The following TBC1D22A variants were observed in gnomAD, a reference collection of about 807,000 sequenced individuals.
TBC1D22A encodes putative GTPase activator.
In TBC1D22A, 38 loss-of-function variants were observed where a neutral mutation model predicts 60.2. The ratio of observed to expected loss-of-function variants is 0.63; its 90% confidence interval spans 0.49 to 0.83. TBC1D22A has a LOEUF of 0.83. Among genes scored for constraint, TBC1D22A ranks in the 40% least tolerant of loss-of-function variants. TBC1D22A has a pLI of 0.00. For synonymous variants in TBC1D22A, 302 were observed against 281.7 expected (o/e 1.07, Z -0.72); for missense variants, 628 against 701.0 (o/e 0.90, Z 1.18).
chr22:46,847,922 T>G (rs74660276), intron 4 of TBC1D22A, among the ~76,000 whole-genome samples: 3,586 of 73,430 alleles, frequency 0.049, 150 homozygotes, highest in African/African-American at 0.15. Context: ...CTAGTGGGTG[T>G]GTGTGTGTGT....
At position 47,036,596 on chromosome 22, in the gene TBC1D22A, A is replaced by G. The variant is rs549329725; in HGVS notation, c.1202-475A>G. ...TGCAGGCCTTGTGTCCCACTTGCGC[A>G]CTCAACGGTTGGGTCCAGGCATAGG... On this transcript the variant is annotated intron_variant, in intron 10 of 12. Coordinates refer to ENST00000337137, the MANE Select transcript of TBC1D22A (RefSeq NM_014346.5). Among the ~76,000 whole-genome samples the G allele has an allele frequency of 4.6e-5, 7 of 152,156 alleles. No homozygotes were observed. In the South Asian group the frequency reaches 1.5e-3, roughly 32 times the overall value.
chr22:46,804,919 G>A (rs891907705), intron 4 of TBC1D22A, among the ~76,000 whole-genome samples: 1 of 152,150 alleles, frequency 6.6e-6, no homozygotes, highest in Non-Finnish European at 1.5e-5. Flanking sequence ...TTCTTTTGTA[G>A]ATGAGGATAT....
chr22:47,054,719 C>T lies in TBC1D22A; in HGVS notation c.1329+17521C>T, dbSNP rs544222332. Among the ~76,000 whole-genome samples, 5 of 152,216 alleles carry T rather than the reference C, an allele frequency of 3.3e-5. No individual in the cohort carries two copies. In the South Asian group the frequency reaches 6.2e-4, roughly 19 times the overall value. ...GTCAAGTAGCAGGGCCGGTGGTGGG[C>T]GCCTGGGAGGTGGCCAGTGAGGGCT... On this transcript the variant is annotated intron_variant, in intron 11 of 12. Transcript: ENST00000337137.
chr22:47,099,864 G>C (rs541257306), intron 11 of TBC1D22A, among the ~76,000 whole-genome samples: 1 of 152,272 alleles, frequency 6.6e-6, no homozygotes, highest in South Asian at 2.1e-4. Flanking sequence ...GCTCTCCACT[G>C]TTTTCTCGTC....
chr22:46,764,740 T>C (rs2083227032), intron 1 of TBC1D22A, among the ~76,000 whole-genome samples: 1 of 152,120 alleles, frequency 6.6e-6, no homozygotes, highest in African/African-American at 2.4e-5. Context: ...GAAATGGCCC[T>C]ATGGAGACAG....
intron 4 of TBC1D22A, among the ~76,000 whole-genome samples, chr22:46,860,425 T>C (rs6009000): frequency 1.3e-4 from 3 of 23,944 alleles, no homozygotes; most frequent in South Asian, 1.7e-3. Flanking sequence ...CGCGCAGTGC[T>C]GTGCCCCTTC....
chr22:47,001,675 A>ATG, intron 10 of TBC1D22A, among the ~76,000 whole-genome samples: 1 of 152,314 alleles, frequency 6.6e-6, no homozygotes, highest in South Asian at 2.1e-4. Context: ...CTTCAGAGAT[A>ATG]AGAGCATAAA....
chr22:46,890,957 C>T (rs572875225), intron 5 of TBC1D22A, among the ~76,000 whole-genome samples: 17 of 152,170 alleles, frequency 1.1e-4, no homozygotes, highest in Non-Finnish European at 2.1e-4. Flanking sequence ...GTAGAAGAGC[C>T]TTGGGCCCAC....
At chr22:47,044,991 G>A (rs777970257) in intron 11 of TBC1D22A, among the ~76,000 whole-genome samples, 38 of 152,176 alleles carry the variant, frequency 2.5e-4, no homozygotes, top group Non-Finnish European at 4.9e-4. Context: ...TGGTCTGGGC[G>A]CCTCCAGGAA....
chr22:46,908,750 G>C (rs987490406), intron 7 of TBC1D22A, among the ~76,000 whole-genome samples: 2 of 152,218 alleles, frequency 1.3e-5, no homozygotes, highest in Non-Finnish European at 2.9e-5. Flanking sequence ...TGGGTTGCCT[G>C]TGAAAGGGCA....
intron 8 of TBC1D22A, 55 bp from the exon 9 acceptor site, chr22:46,974,235 T>C: frequency 6.7e-7 from 1 of 1,481,766 alleles, no homozygotes. Flanking sequence ...CCCTCGTGGG[T>C]CGAGGTCCCG....
At chr22:47,084,364 G>C (rs992245888) in intron 11 of TBC1D22A, among the ~76,000 whole-genome samples, 1 of 152,186 alleles carries the variant, frequency 6.6e-6, no homozygotes, top group African/African-American at 2.4e-5. Flanking sequence ...GGCAGCTTCC[G>C]CATCAGCAGG....
At chr22:47,106,715 G>A (rs796426114) in intron 11 of TBC1D22A, among the ~76,000 whole-genome samples, 2 of 152,112 alleles carry the variant, frequency 1.3e-5, no homozygotes, top group African/African-American at 4.8e-5. Context: ...AAAGGGTAAA[G>A]TCATGAATAA....
chr22:46,810,243 C>T (rs983618261), intron 4 of TBC1D22A, among the ~76,000 whole-genome samples: 1 of 152,222 alleles, frequency 6.6e-6, no homozygotes, highest in Non-Finnish European at 1.5e-5. Context: ...AAAACATTTA[C>T]AGTGGTTCCT....
chr22:47,083,458 G>A (rs73170436), intron 11 of TBC1D22A, among the ~76,000 whole-genome samples: 6,903 of 152,146 alleles, frequency 0.045, 234 homozygotes, highest in Non-Finnish European at 0.072. Context: ...GCTTCCGTGG[G>A]CGAGACCATC....
At chr22:46,996,396 G>T (rs537542671) in intron 9 of TBC1D22A, among the ~76,000 whole-genome samples, 4 of 152,260 alleles carry the variant, frequency 2.6e-5, no homozygotes, top group South Asian at 4.1e-4. Flanking sequence ...AGTTGGAAGC[G>T]TAGGCCAGAA....
intron 11 of TBC1D22A, among the ~76,000 whole-genome samples, chr22:47,058,272 T>C (rs2063462483): frequency 8.5e-5 from 13 of 152,148 alleles, no homozygotes; most frequent in Admixed American, 8.5e-4. Flanking sequence ...CGTGCAGGCC[T>C]GGAGCTGCTT....
intron 4 of TBC1D22A, among the ~76,000 whole-genome samples, chr22:46,832,198 A>G (rs1285869221): frequency 6.6e-6 from 1 of 152,208 alleles, no homozygotes. Flanking sequence ...GGAAGGGCCA[A>G]ACTGGAGACC....
chr22:46,951,102 C>G (rs959969012), intron 8 of TBC1D22A, among the ~76,000 whole-genome samples: 1 of 152,168 alleles, frequency 6.6e-6, no homozygotes, highest in Admixed American at 6.5e-5. Flanking sequence ...CCTACCTAAC[C>G]TTTGCTTCTT....
Sources: allele counts gnomAD v4.1 joint callset (sites outside exome capture counted in the v4.1 genomes callset), GRCh38; gene constraint gnomAD v4.1.1; transcripts MANE v1.5; gene names NCBI Gene and HGNC (gene_info 2026-07-23, HGNC 2026-07-21).